Variants in RHBDD3 observed in about 807,000 individuals in gnomAD.
RHBDD3 encodes the protein rhomboid domain-containing protein 3.
RHBDD3 carries 34 observed loss-of-function variants against 32.3 expected under a neutral mutation model. That is an observed-to-expected ratio of 1.05 (90% CI 0.80 to 1.40). RHBDD3 has a LOEUF of 1.40. RHBDD3 is among the 40% of genes most tolerant of loss of function. RHBDD3 has a pLI of 0.00. For missense variants in RHBDD3, 482 were observed against 492.6 expected (o/e 0.98, Z 0.20); for synonymous variants, 249 against 239.1 (o/e 1.04, Z -0.38).
At position 29,264,004 on chromosome 22, in the gene RHBDD3, G is replaced by T; in HGVS notation, c.363C>A (p.Tyr121Ter). Residue 121 changes from tyrosine to a stop codon, truncating the protein, a stop_gained, in exon 4 of 7, where the codon TAC becomes TAA. Transcript: ENST00000216085. LOFTEE classifies it high-confidence loss of function. ...GLSSAAGSCG[Y>*]MPVHLAMLAG... ...CCAGCATGGCCAGGTGGACAGGCAT[G>T]TATCCACAGCTGCCGGCTGCACTGG... 1.3e-6 allele frequency: 2 copies of T among 1,553,228 alleles called. No individual in the cohort carries two copies. Among genetic ancestry groups the T allele is most frequent in the Non-Finnish European group, 8.7e-7 (1 of 1,148,398 alleles).
chr22:29,264,839 G>A (rs529725245), intron 3 of RHBDD3, among the ~76,000 whole-genome samples: 14 of 152,060 alleles, frequency 9.2e-5, no homozygotes, highest in African/African-American at 2.7e-4. Flanking sequence ...GTGCAGTGGC[G>A]CGATCTTGGC....
At chr22:29,263,780 A>AC in intron 4 of RHBDD3, 55 bp downstream of exon 4, 1 of 1,461,748 alleles carries the variant, frequency 6.8e-7, no homozygotes, top group East Asian at 2.5e-5. Flanking sequence ...CTTCCCAGGC[A>AC]CCCACCCACA....
intron 4 of RHBDD3, chr22:29,262,000 C>T (rs1371363466): frequency 2.0e-5 from 3 of 152,196 alleles, no homozygotes. Flanking sequence ...ATTGAATCGA[C>T]TTGGCACTCT....
In RHBDD3 at chr22:29,260,369, G is replaced by C. The variant is rs1248553873; in HGVS notation, c.940C>G (p.Gln314Glu). Residue 314 changes from glutamine (Q) to glutamate (E), a missense_variant, in exon 6 of 7, where the codon CAG becomes GAG. Physicochemically the swap from Gln to Glu is conservative, Grantham distance 29 (BLOSUM62 2). Transcript: ENST00000216085. ...GACTTGGACAGCCATGGTGCGCTCTGGGGTTCCTGGGCTGGCCCGTCAAGA... is the reference window on the plus strand; with the variant it reads ...GACTTGGACAGCCATGGTGCGCTCTCGGGTTCCTGGGCTGGCCCGTCAAGA... The part of the protein sequence containing the change: ...SLLDGPAQEP[Q>E]SAPWLSKSSV... The C allele has an allele frequency of 1.2e-6, 2 of 1,612,300 alleles. No individual in the cohort carries two copies. The highest frequency in any genetic ancestry group is 1.1e-5 in the South Asian group (1 of 90,712).
At position 29,263,994 on chromosome 22, in the gene RHBDD3, G is replaced by T. The variant is rs1231069030; in HGVS notation, c.373C>A (p.His125Asn). The change falls in exon 4 of 7, where the codon CAC becomes AAC. Residue 125 changes from histidine (H) to asparagine (N), a missense_variant. His to Asn is a moderately conservative substitution (Grantham distance 68, BLOSUM62 1). Coordinates refer to ENST00000216085, the MANE Select transcript of RHBDD3 (RefSeq NM_012265.3). Reference protein sequence around the residue: ...AAGSCGYMPVHLAMLAGEGHR... With the variant: ...AAGSCGYMPVNLAMLAGEGHR... ...CCCTCCCCAGCCAGCATGGCCAGGT[G>T]GACAGGCATGTATCCACAGCTGCCG... The T allele has an allele frequency of 6.4e-7, 1 of 1,552,352 alleles. No individual in the cohort carries two copies.
In RHBDD3 at chr22:29,261,205, A is replaced by G. The variant is rs895470776; in HGVS notation, c.533-341T>C. The G allele has an allele frequency of 1.1e-5, 6 of 541,306 alleles. No homozygotes were observed. The African/African-American group carries it at 1.1e-4, about 10-fold the overall frequency. 33.5% of individuals were successfully genotyped at this position (541,306 alleles called of 1,614,324 possible). A position where few individuals can be genotyped will look rare whatever the true frequency, so the allele number is the denominator to read the frequency against. ...AAGAAGTCCCATGGACACACCTGCT[A>G]TTGCCTTCAGACAGGCCTGGATAAC... On this transcript the variant is annotated intron_variant, in intron 4 of 6. Coordinates refer to ENST00000216085, the MANE Select transcript of RHBDD3 (RefSeq NM_012265.3).
Position 29,260,825 on chromosome 22 carries a change from C to A in RHBDD3, c.572G>T (p.Arg191Leu), listed in dbSNP as rs780448637. 2.5e-6 allele frequency: 4 copies of A among 1,604,734 alleles called. No homozygotes were observed. The highest frequency in any genetic ancestry group is 3.4e-5 in the Admixed American group (2 of 59,160). Residue 191 changes from arginine (R) to leucine (L), a missense_variant, in exon 5 of 7, where the codon CGA becomes CTA. Physicochemically the swap from Arg to Leu is moderately radical, Grantham distance 102. Transcript: ENST00000216085. ...GCCCTCCTGCAGCACCTGCAGCCGT[C>A]GCTCTGAGGGTTCCAGCCACCGGAA... is the stretch of plus-strand genomic sequence containing the variant. ...GAFRWLEPSE[R>L]RLQVLQEGVL...
At chr22:29,265,362 G>A in intron 3 of RHBDD3, 117 bp downstream of exon 3, 1 of 798,324 alleles carries the variant, frequency 1.3e-6, no homozygotes, top group Non-Finnish European at 1.9e-6. Flanking sequence ...GCTTTCCCGG[G>A]ACACTGGGCC....
At chr22:29,266,577 C>T (rs978693188) in intron 2 of RHBDD3, among the ~76,000 whole-genome samples, 1 of 152,232 alleles carries the variant, frequency 6.6e-6, no homozygotes, top group African/African-American at 2.4e-5. Context: ...CTGCTCCAGC[C>T]TAGCTGGTCC....
rs1020813053 is a variant in RHBDD3 at position 29,259,994 on chromosome 22, G to A, written c.*66C>T. 6.7e-7 allele frequency: 1 copy of A among 1,496,316 alleles called. No individual in the cohort carries two copies. Among genetic ancestry groups the A allele is most frequent in the Non-Finnish European group, 9.0e-7 (1 of 1,113,236 alleles). The allele number at this position is 1,496,316 out of a possible 1,614,324, so 92.7% of individuals were successfully genotyped here. ...CCTCTTTAGACAGAGTAGGAGCTCG[G>A]GCTACCCACATGCAGCCCAGCCCTT... On this transcript the variant is annotated 3_prime_UTR_variant, in exon 7 of 7. Transcript: ENST00000216085.
At chr22:29,263,779 C>T in intron 4 of RHBDD3, 56 bp downstream of exon 4, 1 of 1,461,460 alleles carries the variant, frequency 6.8e-7, no homozygotes, top group African/African-American at 1.4e-5. Flanking sequence ...CCTTCCCAGG[C>T]ACCCACCCAC....
In RHBDD3 at chr22:29,260,552, A is replaced by T; in HGVS notation, c.757T>A (p.Ser253Thr). 6.3e-7 allele frequency: 1 copy of T among 1,598,954 alleles called. No individual in the cohort carries two copies. Among genetic ancestry groups the T allele is most frequent in the Admixed American group, 1.7e-5 (1 of 57,920 alleles). ...CTCAGGCTTGGTGGGGGCAGGGCTG[A>T]GTCTTCCCAGTGGGACCAGAGGTCA... Reference protein sequence around the residue: ...SPDLWSHWEDSALPPPSLRPV... With the variant: ...SPDLWSHWEDTALPPPSLRPV... The change falls in exon 6 of 7, where the codon TCA becomes ACA. Residue 253 changes from serine (S) to threonine (T), a missense_variant. Ser to Thr is a moderately conservative substitution (Grantham distance 58). Coordinates refer to ENST00000216085, the MANE Select transcript of RHBDD3 (RefSeq NM_012265.3).
chr22:29,260,242 T>G lies in RHBDD3; in HGVS notation c.984-5A>C, dbSNP rs1042714955. 4 of 1,601,652 alleles carry G rather than the reference T, an allele frequency of 2.5e-6. No individual in the cohort carries two copies. In the African/African-American group the frequency reaches 4.0e-5, roughly 16 times the overall value. ...ATGCGCTCCAGCTGCTGCAGCCTGT[T>G]GGGGGTGGGGGGAGAAGTGGGGAGT... On this transcript the variant is annotated splice_polypyrimidine_tract_variant and splice_region_variant and intron_variant, in intron 6 of 6. Coordinates refer to ENST00000216085, the MANE Select transcript of RHBDD3 (RefSeq NM_012265.3).
At chr22:29,265,705 G>C in intron 2 of RHBDD3, 37 bp from the exon 3 acceptor site, 1 of 1,488,722 alleles carries the variant, frequency 6.7e-7, no homozygotes, top group Admixed American at 3.1e-5. Flanking sequence ...GTTATTACTG[G>C]AGCTTTTATC....
chr22:29,265,981 C>A (rs1442942180), intron 2 of RHBDD3, among the ~76,000 whole-genome samples: 1 of 152,172 alleles, frequency 6.6e-6, no homozygotes, highest in African/African-American at 2.4e-5. Flanking sequence ...CCATCTCTAG[C>A]CCTCTTCTGT....
Position 29,263,843 on chromosome 22 carries a change from C to A in RHBDD3, c.524G>T (p.Gly175Val). 1.3e-6 allele frequency: 2 copies of A among 1,532,304 alleles called. No homozygotes were observed. The highest frequency in any genetic ancestry group is 1.8e-6 in the Non-Finnish European group (2 of 1,134,724). The allele number at this position is 1,532,304 out of a possible 1,614,324, so 94.9% of individuals were successfully genotyped here. A position where few individuals can be genotyped will look rare whatever the true frequency, so the allele number is the denominator to read the frequency against. The change falls in exon 4 of 7, where the codon GGC becomes GTC. Residue 175 changes from glycine to valine, a missense_variant. By Grantham distance (109) the Gly-to-Val change is moderately radical. Transcript: ENST00000216085. ...FLQLLCGLLA[G>V]LAYAAGAFRW... Reference sequence around the variant, plus strand: ...GCTCAGGCAAAGGATACAGGCCAGGCCGGCAAGGAGGCCGCAAAGGAGCTG... The same window carrying A: ...GCTCAGGCAAAGGATACAGGCCAGGACGGCAAGGAGGCCGCAAAGGAGCTG...
At position 29,263,834 on chromosome 22, in the gene RHBDD3, C is replaced by T. The variant is rs758622781; in HGVS notation, c.532+1G>A. The T allele has an allele frequency of 2.1e-4, 318 of 1,523,256 alleles. No individual in the cohort carries two copies. Among genetic ancestry groups the T allele is most frequent in the Non-Finnish European group, 2.7e-4 (304 of 1,129,716 alleles). The allele number at this position is 1,523,256 out of a possible 1,614,324, so 94.4% of individuals were successfully genotyped here. The stretch of plus-strand genomic sequence containing the variant: ...GGGCCCTGGGCTCAGGCAAAGGATA[C>T]AGGCCAGGCCGGCAAGGAGGCCGCA... On this transcript the variant is annotated splice_donor_variant, in intron 4 of 6. Coordinates refer to ENST00000216085, the MANE Select transcript of RHBDD3 (RefSeq NM_012265.3). LOFTEE classifies it high-confidence loss of function.
Position 29,264,066 on chromosome 22 carries a change from C to T in RHBDD3, c.301G>A (p.Gly101Arg), listed in dbSNP as rs933786242. The T allele has an allele frequency of 1.9e-6, 3 of 1,579,264 alleles. No individual in the cohort carries two copies. The Admixed American group carries it at 5.5e-5, about 29-fold the overall frequency. ...CCTGCCAGCAGCACTGCCAGCAGCCCAGAAGCCAGGGCGAGCAGGGCTGAG... is the reference window on the plus strand; with the variant it reads ...CCTGCCAGCAGCACTGCCAGCAGCCTAGAAGCCAGGGCGAGCAGGGCTGAG... ...HASALLALAS[G>R]LLAVLLAGLG... is the part of the protein sequence containing the mutation. Residue 101 changes from glycine (G) to arginine (R), a missense_variant, in exon 4 of 7, where the codon GGG (glycine) becomes AGG (arginine). Transcript: ENST00000216085.
At chr22:29,262,349 C>T (rs374289147) in intron 4 of RHBDD3, among the ~76,000 whole-genome samples, 17 of 151,988 alleles carry the variant, frequency 1.1e-4, no homozygotes, top group African/African-American at 3.6e-4. Flanking sequence ...ATGTTGGCCA[C>T]GCTGGTCCTG....
Sources: gnomAD v4.1 joint callset for allele counts (sites outside exome capture counted in the v4.1 genomes callset) on GRCh38, gnomAD v4.1.1 for gene constraint, MANE v1.5 for transcripts, NCBI Gene and HGNC (gene_info 2026-07-23, HGNC 2026-07-21) for gene names.